The following SLC25A21 variants were observed in gnomAD, a reference collection of about 807,000 sequenced individuals.
SLC25A21 encodes the protein solute carrier family 25 member 21.
A neutral mutation model predicts 43.8 loss-of-function variants in SLC25A21; 47 were observed. The ratio of observed to expected loss-of-function variants is 1.07; its 90% confidence interval spans 0.85 to 1.37. The LOEUF (loss-of-function observed/expected upper bound fraction) is 1.37, where lower values mean the gene tolerates loss of function less well. Among genes scored for constraint, SLC25A21 ranks in the 40% most tolerant of loss-of-function variants. The pLI is 0.00. For synonymous variants in SLC25A21, 131 were observed against 121.3 expected, an observed-to-expected ratio of 1.08 and a Z score of -0.52; for missense variants, 352 against 350.2, an observed-to-expected ratio of 1.00 and a Z score of -0.04.
At chr14:36,728,905 T>C (rs538793168) in intron 5 of SLC25A21, among the ~76,000 whole-genome samples, 3 of 152,328 alleles carry the variant, frequency 2.0e-5, no homozygotes, top group South Asian at 2.1e-4. Flanking sequence ...TACAATTAAC[T>C]TCTGTGAAAA....
At chr14:36,872,209 A>G (rs1890393417) in intron 2 of SLC25A21, among the ~76,000 whole-genome samples, 1 of 152,196 alleles carries the variant, frequency 6.6e-6, no homozygotes, top group South Asian at 2.1e-4. Flanking sequence ...ATTTTCCACA[A>G]TATCTCATGT....
intron 2 of SLC25A21, among the ~76,000 whole-genome samples, chr14:36,866,170 G>A (rs1445920729): frequency 6.6e-6 from 1 of 152,012 alleles, no homozygotes; most frequent in Non-Finnish European, 1.5e-5. Flanking sequence ...TTAGAGATGG[G>A]GTGTTGCGAT....
chr14:36,953,630 C>G (rs1201743255), intron 1 of SLC25A21, among the ~76,000 whole-genome samples: 1 of 152,152 alleles, frequency 6.6e-6, no homozygotes, highest in African/African-American at 2.4e-5. Flanking sequence ...GTGTTCCTTA[C>G]TGGCAGAAAC....
intron 7 of SLC25A21, among the ~76,000 whole-genome samples, chr14:36,705,606 G>GTC (rs1008188860): frequency 1.3e-5 from 2 of 151,940 alleles, no homozygotes. Context: ...CTCTGTCTCT[G>GTC]TCTCTCTCTC....
At chr14:36,954,660 C>A (rs142130946) in intron 1 of SLC25A21, among the ~76,000 whole-genome samples, 2 of 151,918 alleles carry the variant, frequency 1.3e-5, no homozygotes, top group African/African-American at 4.8e-5. Context: ...AAAATCGCTA[C>A]GAGAGTAGAT....
intron 2 of SLC25A21, among the ~76,000 whole-genome samples, chr14:36,843,262 G>T (rs2138502528): frequency 6.6e-6 from 1 of 152,266 alleles, no homozygotes; most frequent in Admixed American, 6.5e-5. Flanking sequence ...GAAGAAACTG[G>T]ATTGCCAGAA....
At chr14:36,937,187 C>T (rs1720129660) in intron 1 of SLC25A21, among the ~76,000 whole-genome samples, 1 of 152,172 alleles carries the variant, frequency 6.6e-6, no homozygotes, top group South Asian at 2.1e-4. Flanking sequence ...ATGCTGAAGG[C>T]ACGTTGCCCC....
At chr14:37,039,629 G>T (rs1051736889) in intron 1 of SLC25A21, among the ~76,000 whole-genome samples, 1 of 152,136 alleles carries the variant, frequency 6.6e-6, no homozygotes, top group Admixed American at 6.5e-5. Context: ...TCATTGTATG[G>T]ATGTGTCTAT....
intron 1 of SLC25A21, among the ~76,000 whole-genome samples, chr14:37,123,319 C>G (rs1307145662): frequency 6.6e-6 from 1 of 152,118 alleles, no homozygotes; most frequent in Non-Finnish European, 1.5e-5. Flanking sequence ...TCACCAACAA[C>G]TAAATGAAAA....
At chr14:37,075,864 C>T (rs889819258) in intron 1 of SLC25A21, among the ~76,000 whole-genome samples, 6 of 152,154 alleles carry the variant, frequency 3.9e-5, no homozygotes, top group African/African-American at 1.4e-4. Flanking sequence ...CCCGTCATTT[C>T]CAGAATTGGC....
At chr14:37,009,401 G>A (rs146091824) in intron 1 of SLC25A21, among the ~76,000 whole-genome samples, 3,733 of 152,124 alleles carry the variant, frequency 0.025, 145 homozygotes, top group African/African-American at 0.085. Flanking sequence ...CAGGAGAATT[G>A]CTTGAACCTG....
At chr14:36,689,467 C>T (rs1361690037) in intron 7 of SLC25A21, among the ~76,000 whole-genome samples, 3 of 152,092 alleles carry the variant, frequency 2.0e-5, no homozygotes, top group African/African-American at 4.8e-5. Flanking sequence ...AACAATTTCA[C>T]GAGACGATTT....
chr14:36,685,861 A>G (rs573731324), intron 7 of SLC25A21, among the ~76,000 whole-genome samples: 29 of 152,150 alleles, frequency 1.9e-4, no homozygotes, highest in African/African-American at 6.5e-4. Context: ...TATGTTGCCA[A>G]CCTCAGTTCT....
At chr14:36,754,551 G>T (rs1045632713) in intron 3 of SLC25A21, among the ~76,000 whole-genome samples, 3 of 152,166 alleles carry the variant, frequency 2.0e-5, no homozygotes, top group African/African-American at 7.2e-5. Context: ...TGGAACCTAA[G>T]TAGCTTATCT....
chr14:36,759,348 C>T (rs1221162735), intron 3 of SLC25A21, among the ~76,000 whole-genome samples: 1 of 152,118 alleles, frequency 6.6e-6, no homozygotes, highest in East Asian at 1.9e-4. Flanking sequence ...TAGTTTCCTT[C>T]TGAAAAAAAC....
chr14:36,795,935 C>G (rs932760275), intron 3 of SLC25A21, among the ~76,000 whole-genome samples: 1 of 152,140 alleles, frequency 6.6e-6, no homozygotes, highest in African/African-American at 2.4e-5. Context: ...TGCAACACAG[C>G]ATATATGTAA....
intron 1 of SLC25A21, among the ~76,000 whole-genome samples, chr14:37,108,852 T>C (rs1000249597): frequency 6.6e-6 from 1 of 151,980 alleles, no homozygotes; most frequent in African/African-American, 2.4e-5. Flanking sequence ...TATATTCTTT[T>C]TATCTTCTTG....
intron 1 of SLC25A21, among the ~76,000 whole-genome samples, chr14:36,934,439 A>G (rs1316746018): frequency 6.7e-6 from 1 of 150,272 alleles, no homozygotes; most frequent in Non-Finnish European, 1.5e-5. Context: ...TCTTCCTTAC[A>G]CTTAACCTGT....
Position 36,679,720 on chromosome 14 carries a change from CA to C in SLC25A21, c.*937del. On this transcript the variant is annotated 3_prime_UTR_variant, in exon 10 of 10. Transcript: ENST00000331299. ...CCTGAAAATGCAGTTCTGTTCTATA[CA>C]TTCTTCCTAAAAATGGCACAGGTAG... 1.0e-6 allele frequency: 1 copy of C among 985,404 alleles called. No individual in the cohort carries two copies. The highest frequency in any genetic ancestry group is 1.2e-6 in the Non-Finnish European group (1 of 829,916). 61.0% of individuals were successfully genotyped at this position (985,404 alleles called of 1,614,324 possible). A position where few individuals can be genotyped will look rare whatever the true frequency, so the allele number is the denominator to read the frequency against.
Sources: gnomAD v4.1 joint callset for allele counts (sites outside exome capture counted in the v4.1 genomes callset) on GRCh38, gnomAD v4.1.1 for gene constraint, MANE v1.5 for transcripts, NCBI Gene and HGNC (gene_info 2026-07-23, HGNC 2026-07-21) for gene names.